Variants in RPH3AL observed in about 807,000 individuals in gnomAD.
RPH3AL encodes rab effector Noc2.
A neutral mutation model predicts 43.1 loss-of-function variants in RPH3AL; 38 were observed. The observed-to-expected ratio is 0.88, with a 90% CI of 0.68 to 1.15. The LOEUF is 1.15. RPH3AL is among the 50% of genes most tolerant of loss of function. The pLI, the probability that RPH3AL is intolerant of heterozygous loss-of-function variation, is 0.00. For synonymous variants in RPH3AL, 189 were observed against 176.3 expected, an observed-to-expected ratio of 1.07 and a Z score of -0.57; for missense variants, 462 against 423.2, an observed-to-expected ratio of 1.09 and a Z score of -0.81.
At chr17:317,328 C>G (rs1364701858) in intron 5 of RPH3AL, among the ~76,000 whole-genome samples, 1 of 151,812 alleles carries the variant, frequency 6.6e-6, no homozygotes, top group Non-Finnish European at 1.5e-5. Context: ...CCATGTGCCC[C>G]ACCTCCATTG....
intron 6 of RPH3AL, among the ~76,000 whole-genome samples, chr17:281,244 G>T (rs1229679747): frequency 6.6e-6 from 1 of 152,170 alleles, no homozygotes; most frequent in Non-Finnish European, 1.5e-5. Flanking sequence ...TTGGTTTCCA[G>T]CTCCCCCACT....
chr17:316,399 T>G (rs1210008492), intron 5 of RPH3AL, among the ~76,000 whole-genome samples: 1 of 150,970 alleles, frequency 6.6e-6, no homozygotes, highest in Non-Finnish European at 1.5e-5. Flanking sequence ...CCACCTCCAT[T>G]GTCCTGTAGT....
chr17:332,293 CGT>C (rs2044797759), intron 2 of RPH3AL: 6 of 255,552 alleles, frequency 2.3e-5, no homozygotes, highest in South Asian at 5.0e-5. Context: ...TGTGTGTGCG[CGT>C]GTGTGTGTAC....
Position 280,038 on chromosome 17 carries a change from C to T in RPH3AL, c.438+1730G>A, listed in dbSNP as rs73278927. On this transcript the variant is annotated intron_variant, in intron 6 of 9. Transcript: ENST00000331302. The stretch of plus-strand genomic sequence containing the variant: ...TGCAGCTTTTCCTGTTCCAAAGACA[C>T]GGAAGTGATAGAGGAAAATACTTTC... 6.3e-3 allele frequency among the ~76,000 whole-genome samples: 956 copies of T among 152,252 alleles called. 8 individuals carry two copies. Among genetic ancestry groups the T allele is most frequent in the African/African-American group, 0.02 (841 of 41,538 alleles).
intron 1 of RPH3AL, among the ~76,000 whole-genome samples, chr17:335,230 C>T (rs35386092): frequency 0.32 from 49,186 of 151,958 alleles, 8,481 homozygotes; most frequent in Admixed American, 0.4. Flanking sequence ...CCGGGTGAGA[C>T]TATCTCTATG....
At chr17:240,404 C>A (rs184296475) in intron 7 of RPH3AL, among the ~76,000 whole-genome samples, 1 of 152,258 alleles carries the variant, frequency 6.6e-6, no homozygotes, top group African/African-American at 2.4e-5. Flanking sequence ...TAGTTTCAGA[C>A]CATTTGCATC....
intron 8 of RPH3AL, among the ~76,000 whole-genome samples, chr17:217,409 T>C (rs1190557210): frequency 1.8e-5 from 1 of 56,504 alleles, no homozygotes; most frequent in African/African-American, 3.7e-5. Context: ...TCTCGGGCAG[T>C]TATTACAGAG....
At chr17:237,745 T>C (rs2041432946) in intron 7 of RPH3AL, among the ~76,000 whole-genome samples, 1 of 152,144 alleles carries the variant, frequency 6.6e-6, no homozygotes. Flanking sequence ...GTCCACATGG[T>C]AAAACTTCAT....
chr17:229,522 G>A (rs566684290), intron 7 of RPH3AL, among the ~76,000 whole-genome samples: 162 of 152,334 alleles, frequency 1.1e-3, no homozygotes, highest in African/African-American at 3.8e-3. Flanking sequence ...TTTCCCCCAG[G>A]ACAAGCGCTG....
At chr17:279,658 A>G (rs2042732734) in intron 6 of RPH3AL, among the ~76,000 whole-genome samples, 1 of 152,138 alleles carries the variant, frequency 6.6e-6, no homozygotes, top group African/African-American at 2.4e-5. Context: ...CTTTTCCTTC[A>G]AAGATCCCTC....
chr17:272,281 T>G (rs571525102), intron 6 of RPH3AL, among the ~76,000 whole-genome samples: 1 of 152,258 alleles, frequency 6.6e-6, no homozygotes, highest in East Asian at 1.9e-4. Context: ...CTATAAATCA[T>G]GCTGCTATAA....
At chr17:262,726 C>T (rs1358278535) in intron 6 of RPH3AL, among the ~76,000 whole-genome samples, 1 of 152,134 alleles carries the variant, frequency 6.6e-6, no homozygotes, top group African/African-American at 2.4e-5. Context: ...AGCCCATGCC[C>T]CGAGCCATCT....
At chr17:223,249 TTTTCTGCCTC>T (rs1431922046) in intron 7 of RPH3AL, among the ~76,000 whole-genome samples, 1 of 152,120 alleles carries the variant, frequency 6.6e-6, no homozygotes, top group South Asian at 2.1e-4. Context: ...CAATTGTCTC[TTTTCTGCCTC>T]TTTCCATCAA....
chr17:324,820 G>C (rs1379098271), intron 3 of RPH3AL, among the ~76,000 whole-genome samples: 1 of 152,164 alleles, frequency 6.6e-6, no homozygotes, highest in East Asian at 1.9e-4. Context: ...CCGCCTCCCA[G>C]GTGCAAGCAA....
chr17:327,790 CAG>C (rs2151709322), intron 2 of RPH3AL, among the ~76,000 whole-genome samples: 1 of 152,280 alleles, frequency 6.6e-6, no homozygotes, highest in Admixed American at 6.5e-5. Flanking sequence ...GGAGGGTGAC[CAG>C]GTGGATCATG....
chr17:267,351 C>T (rs891014824), intron 6 of RPH3AL, among the ~76,000 whole-genome samples: 10 of 152,184 alleles, frequency 6.6e-5, no homozygotes, highest in South Asian at 2.1e-4. Context: ...TGATTGGCTG[C>T]GAAGCCGCCT....
At chr17:253,472 T>A (rs7214637) in intron 6 of RPH3AL, among the ~76,000 whole-genome samples, 23 of 152,128 alleles carry the variant, frequency 1.5e-4, no homozygotes, top group African/African-American at 4.8e-4. Context: ...CGGACCACGG[T>A]TTTGGCCTCC....
At chr17:325,871 G>A (rs372270509) in intron 3 of RPH3AL, among the ~76,000 whole-genome samples, 1 of 152,158 alleles carries the variant, frequency 6.6e-6, no homozygotes, top group South Asian at 2.1e-4. Flanking sequence ...CCAGCTCTGC[G>A]GCTGGAGTTT....
intron 5 of RPH3AL, among the ~76,000 whole-genome samples, chr17:285,482 T>C (rs2042885612): frequency 6.6e-6 from 1 of 152,224 alleles, no homozygotes; most frequent in Non-Finnish European, 1.5e-5. Flanking sequence ...CTGCGGTTAG[T>C]GCAGCCCCTC....
Sources: allele counts gnomAD v4.1 joint callset (sites outside exome capture counted in the v4.1 genomes callset), GRCh38; gene constraint gnomAD v4.1.1; transcripts MANE v1.5; gene names NCBI Gene and HGNC (gene_info 2026-07-23, HGNC 2026-07-21).